The following DHDH variants were observed in gnomAD, a reference collection of about 807,000 sequenced individuals.
DHDH encodes trans-1,2-dihydrobenzene-1,2-diol dehydrogenase.
DHDH carries 29 observed loss-of-function variants against 33.2 expected under a neutral mutation model. The observed-to-expected ratio is 0.87, with a 90% CI of 0.65 to 1.19. The LOEUF (loss-of-function observed/expected upper bound fraction) is 1.19. Ranked by LOEUF, DHDH falls within the 50% of genes most tolerant of loss-of-function variation. The probability of loss-of-function intolerance (pLI) is 0.00; values close to 1 mark genes in which losing one functional copy is unlikely to be tolerated. For missense variants in DHDH, 431 were observed against 455.0 expected (o/e 0.95, Z 0.48); for synonymous variants, 201 against 187.9 (o/e 1.07, Z -0.57).
intron 3 of DHDH, among the ~76,000 whole-genome samples, chr19:48,936,847 G>A (rs999602288): frequency 5.3e-5 from 8 of 151,534 alleles, no homozygotes; most frequent in African/African-American, 1.7e-4. Flanking sequence ...GCAGTGGCGC[G>A]ATCTCGGCTC....
At position 48,944,457 on chromosome 19, in the gene DHDH, G is replaced by A; in HGVS notation, c.845G>A (p.Gly282Glu). The A allele has an allele frequency of 6.2e-7, 1 of 1,613,702 alleles. No homozygotes were observed. Among genetic ancestry groups the A allele is most frequent in the Non-Finnish European group, 8.5e-7 (1 of 1,179,676 alleles). ...CCAAAGGACTGCAATTTTGACAACG[G>A]GGCAGGCATGAGTTATGAGGCCAAG... ...PVPKDCNFDN[G>E]AGMSYEAKHV... The change falls in exon 6 of 7, where the codon GGG becomes GAG. Residue 282 changes from glycine to glutamate, a missense_variant. Transcript: ENST00000221403.
chr19:48,944,859 A>T lies in DHDH; in HGVS notation c.931A>T (p.Ser311Cys), dbSNP rs368013252. The T allele has an allele frequency of 7.7e-5, 124 of 1,613,876 alleles. No individual in the cohort carries two copies. The highest frequency in any genetic ancestry group is 9.9e-5 in the Non-Finnish European group (117 of 1,180,036). The change falls in exon 7 of 7, where the codon AGT (serine) becomes TGT (cysteine). Residue 311 changes from serine (S) to cysteine (C), a missense_variant. Coordinates refer to ENST00000221403, the MANE Select transcript of DHDH (RefSeq NM_014475.4). The stretch of plus-strand genomic sequence containing the variant: ...AAGTCCTGTGATTCCCCTGTCGGAA[A>T]GTGAGCTCCTGGCTGACATCCTTGA... ...KESPVIPLSE[S>C]ELLADILEEV...
At chr19:48,933,312 C>T (rs889863912), upstream of DHDH, among the ~76,000 whole-genome samples, 6 of 152,124 alleles carry the variant, frequency 3.9e-5, no homozygotes, top group Non-Finnish European at 7.3e-5. Flanking sequence ...GTGAACAACC[C>T]CTAATGATGC....
chr19:48,936,265 C>A (rs188678635), intron 3 of DHDH, 70 bp downstream of exon 3: 9 of 1,477,686 alleles, frequency 6.1e-6, no homozygotes, highest in Non-Finnish European at 8.1e-6. Flanking sequence ...TGCCAGTGCG[C>A]GGACGGGGTC....
At chr19:48,935,972 G>C in intron 2 of DHDH, 60 bp from the exon 3 acceptor site, 1 of 1,548,544 alleles carries the variant, frequency 6.5e-7, no homozygotes, top group Non-Finnish European at 8.7e-7. Context: ...GAAGTTGTGG[G>C]CGGAGCTCGG....
chr19:48,939,296 A>G (rs2037823020), intron 3 of DHDH, among the ~76,000 whole-genome samples, 153 bp from the exon 4 acceptor site: 1 of 151,804 alleles, frequency 6.6e-6, no homozygotes, highest in African/African-American at 2.4e-5. Flanking sequence ...AAAGAAAAAG[A>G]AGAAAAGTCA....
upstream of DHDH, chr19:48,933,610 G>A: frequency 1.0e-6 from 1 of 967,316 alleles, no homozygotes; most frequent in Admixed American, 1.9e-5. Flanking sequence ...GAGAATCGGC[G>A]TAGGCGCAAT....
chr19:48,944,605 C>G (rs1315318366), intron 6 of DHDH, 98 bp downstream of exon 6: 1 of 1,506,328 alleles, frequency 6.6e-7, no homozygotes, highest in Non-Finnish European at 8.9e-7. Flanking sequence ...ACTACATCTC[C>G]CAGGAGGTTG....
At chr19:48,936,612 C>G (rs182394231) in intron 3 of DHDH, among the ~76,000 whole-genome samples, 3,027 of 148,718 alleles carry the variant, frequency 0.02, 97 homozygotes, top group African/African-American at 0.07. Flanking sequence ...AGGAGAATGG[C>G]GTGAACCCGG....
rs369662956 is a variant in DHDH, at chr19:48,944,419, G to A, written c.807G>A (p.Pro269=). The A allele has an allele frequency of 5.6e-6, 9 of 1,614,020 alleles. No individual in the cohort carries two copies. The highest frequency in any genetic ancestry group is 2.2e-5 in the South Asian group (2 of 91,096). Residue 269 remains proline (P), a synonymous_variant, in exon 6 of 7, where the codon CCG becomes CCA. Coordinates refer to ENST00000221403, the MANE Select transcript of DHDH (RefSeq NM_014475.4). ...TGAAGGGGGAGCATAAGGAGTTCCC[G>A]CTGCCCCCAGTCCCAAAGGACTGCA... ...LVVKGEHKEF[P]LPPVPKDCNF...
intron 2 of DHDH, among the ~76,000 whole-genome samples, chr19:48,935,560 G>A (rs1206818946): frequency 6.6e-6 from 1 of 151,412 alleles, no homozygotes; most frequent in African/African-American, 2.4e-5. Flanking sequence ...GCTGACGCCT[G>A]TAATCCTAGC....
chr19:48,933,930 CT>C, intron 1 of DHDH, 119 bp downstream of exon 1: 1 of 868,376 alleles, frequency 1.2e-6, no homozygotes, highest in Non-Finnish European at 1.8e-6. Flanking sequence ...AGTGAAACGT[CT>C]GTTTCCTTGC....
intron 3 of DHDH, among the ~76,000 whole-genome samples, chr19:48,937,877 G>A (rs930310175): frequency 1.3e-5 from 2 of 149,950 alleles, no homozygotes; most frequent in South Asian, 2.1e-4. Context: ...CCATTCTCCC[G>A]GCTCTCCCGT....
intron 3 of DHDH, among the ~76,000 whole-genome samples, chr19:48,936,702 G>GAAAAAAACAA (rs2037781174): frequency 1.1e-5 from 1 of 88,982 alleles, no homozygotes; most frequent in Admixed American, 1.1e-4. Context: ...TCTCAAACAA[G>GAAAAAAACAA]AAAAAAAACA....
intron 1 of DHDH, 55 bp from the exon 2 acceptor site, chr19:48,934,945 A>G (rs900811785): frequency 2.2e-5 from 31 of 1,400,262 alleles, no homozygotes; most frequent in Non-Finnish European, 2.7e-5. Flanking sequence ...CCTCCCTTCC[A>G]CCCAGTTTCC....
chr19:48,941,514 T>C (rs2122273670), intron 4 of DHDH, among the ~76,000 whole-genome samples: 1 of 152,222 alleles, frequency 6.6e-6, no homozygotes, highest in African/African-American at 2.4e-5. Context: ...CCCAAGTAGC[T>C]GGGCATACAG....
intron 5 of DHDH, 120 bp from the exon 6 acceptor site, chr19:48,944,237 C>A (rs1332735463): frequency 1.4e-6 from 2 of 1,379,982 alleles, no homozygotes; most frequent in Non-Finnish European, 2.0e-6. Flanking sequence ...ATGGACAGGG[C>A]AAGCTCTTAG....
rs61742534 is a variant in DHDH at position 48,936,105 on chromosome 19, C to A, written c.276C>A (p.Ala92=). 1 of 1,611,540 alleles carries A rather than the reference C, an allele frequency of 6.2e-7. No individual in the cohort carries two copies. Among genetic ancestry groups the A allele is most frequent in the South Asian group, 1.1e-5 (1 of 90,512 alleles). ...TGCTGTGCTTGGCGGCGGGCAAGGCCGTTCTGTGCGAGAAGCCCACGGGCG... is the reference window on the plus strand; with the variant it reads ...TGCTGTGCTTGGCGGCGGGCAAGGCAGTTCTGTGCGAGAAGCCCACGGGCG... The part of the protein sequence containing the change: ...AVMLCLAAGK[A]VLCEKPTGVN... The change falls in exon 3 of 7, where the codon GCC becomes GCA. Residue 92 remains alanine (A), a synonymous_variant. Coordinates refer to ENST00000221403, the MANE Select transcript of DHDH (RefSeq NM_014475.4).
chr19:48,937,288 C>A (rs1009123807), intron 3 of DHDH, among the ~76,000 whole-genome samples: 1 of 152,302 alleles, frequency 6.6e-6, no homozygotes, highest in Non-Finnish European at 1.5e-5. Context: ...ACGCTCCTCT[C>A]GACTGCTCCG....
Sources: allele counts gnomAD v4.1 joint callset (sites outside exome capture counted in the v4.1 genomes callset), GRCh38; gene constraint gnomAD v4.1.1; transcripts MANE v1.5; gene names NCBI Gene and HGNC (gene_info 2026-07-23, HGNC 2026-07-21).